Variants in GRIA3 observed in about 807,000 individuals in gnomAD.
GRIA3 encodes glutamate receptor 3.
GRIA3 carries 3 observed loss-of-function variants against 63.0 expected under a neutral mutation model. The ratio of observed to expected loss-of-function variants is 0.05; its 90% CI spans 0.02 to 0.12. GRIA3 has a LOEUF of 0.12. Among genes scored for constraint, GRIA3 ranks in the 10% least tolerant of loss-of-function variants. The pLI is 1.00. For missense variants in GRIA3, 347 were observed against 700.9 expected (o/e 0.50, Z 5.70); for synonymous variants, 274 against 257.9 (o/e 1.06, Z -0.60).
chrX:123,414,826 G>A (rs191492681), intron 10 of GRIA3, among the ~76,000 whole-genome samples: 2 of 111,014 alleles, frequency 1.8e-5, no homozygotes, highest in Admixed American at 1.9e-4. Context: ...TATCATTGAT[G>A]GACATTTGGG....
intron 12 of GRIA3, among the ~76,000 whole-genome samples, chrX:123,454,458 G>T (rs758753693): frequency 7.2e-5 from 8 of 111,445 alleles, no homozygotes; most frequent in Admixed American, 1.9e-4. Flanking sequence ...AGTTATGATG[G>T]GTTTTCTTAC....
chrX:123,363,633 C>A lies in GRIA3; in HGVS notation c.750+8670C>A, dbSNP rs1395229796. ...AGTTAATCAACAGAAGCTTACAAGA[C>A]CCTGCATGAACTGCTTAGGCATAAA... On this transcript the variant is annotated intron_variant, in intron 5 of 15. Coordinates refer to ENST00000620443, the MANE Select transcript of GRIA3 (RefSeq NM_007325.5). Among the ~76,000 whole-genome samples the A allele has an allele frequency of 8.9e-5, 10 of 112,212 alleles. No individual in the cohort carries two copies. The Admixed American group carries it at 9.5e-4, about 11-fold the overall frequency.
chrX:123,462,268 C>G (rs6655769), intron 12 of GRIA3, among the ~76,000 whole-genome samples: 1,544 of 111,112 alleles, frequency 0.014, 26 homozygotes, highest in African/African-American at 0.047. Flanking sequence ...CTTATCACAC[C>G]CCTCCTCAAA....
intron 2 of GRIA3, among the ~76,000 whole-genome samples, chrX:123,215,982 A>G (rs1288311413): frequency 8.9e-6 from 1 of 112,110 alleles, no homozygotes. Context: ...AGCTAAAGCC[A>G]GTAAGCTGAG....
intron 12 of GRIA3, among the ~76,000 whole-genome samples, chrX:123,439,604 A>G (rs1020295618): frequency 1.8e-5 from 2 of 108,951 alleles, no homozygotes; most frequent in Non-Finnish European, 3.8e-5. Context: ...TAATTAAGGT[A>G]TGTTACAAAT....
chrX:123,415,716 G>A (rs749335325), intron 10 of GRIA3, among the ~76,000 whole-genome samples: 3 of 111,731 alleles, frequency 2.7e-5, no homozygotes, highest in Non-Finnish European at 5.7e-5. Flanking sequence ...GTAGGCAGTT[G>A]GCTTCAATAA....
At chrX:123,432,647 T>A (rs1409195210) in intron 12 of GRIA3, among the ~76,000 whole-genome samples, 1 of 111,591 alleles carries the variant, frequency 9.0e-6, no homozygotes, top group Non-Finnish European at 1.9e-5. Context: ...TAAAAGAATA[T>A]AAGGCAGAAA....
intron 5 of GRIA3, among the ~76,000 whole-genome samples, chrX:123,379,097 T>A (rs1345053318): frequency 9.0e-6 from 1 of 111,246 alleles, no homozygotes; most frequent in East Asian, 2.8e-4. Context: ...TATGAACAAA[T>A]TAAATGTCTT....
At chrX:123,485,844 G>A (rs2045937287) in intron 15 of GRIA3, among the ~76,000 whole-genome samples, 1 of 111,059 alleles carries the variant, frequency 9.0e-6, no homozygotes, top group African/African-American at 3.3e-5. Flanking sequence ...TAGTGTGCAT[G>A]CAACTCATGT....
intron 12 of GRIA3, among the ~76,000 whole-genome samples, chrX:123,438,785 G>T (rs570040380): frequency 8.9e-6 from 1 of 112,780 alleles, no homozygotes; most frequent in South Asian, 3.6e-4. Flanking sequence ...GATTACAGGC[G>T]TGAGCCACCG....
chrX:123,193,968 A>G (rs1927507761), intron 2 of GRIA3, among the ~76,000 whole-genome samples: 1 of 111,413 alleles, frequency 9.0e-6, no homozygotes, highest in Non-Finnish European at 1.9e-5. Flanking sequence ...CTTGAGGATA[A>G]GGAAGATTCC....
chrX:123,418,197 T>C (rs779347395), intron 11 of GRIA3, among the ~76,000 whole-genome samples: 1 of 111,798 alleles, frequency 8.9e-6, no homozygotes, highest in African/African-American at 3.2e-5. Flanking sequence ...CTTCTTTAAA[T>C]CCCTCCTACC....
intron 11 of GRIA3, among the ~76,000 whole-genome samples, chrX:123,421,307 A>C (rs940151021): frequency 1.8e-5 from 2 of 112,082 alleles, no homozygotes; most frequent in African/African-American, 6.5e-5. Flanking sequence ...GATATATACT[A>C]GTGAAGAGGA....
At chrX:123,370,766 GTA>G (rs112567011) in intron 5 of GRIA3, among the ~76,000 whole-genome samples, 14,819 of 108,064 alleles carry the variant, frequency 0.14, 1,008 homozygotes, top group Non-Finnish European at 0.2. Context: ...GTGCATATGT[GTA>G]TATATATATG....
intron 15 of GRIA3, among the ~76,000 whole-genome samples, chrX:123,488,188 A>G (rs1185235413): frequency 1.8e-5 from 2 of 112,447 alleles, no homozygotes; most frequent in East Asian, 5.6e-4. Flanking sequence ...GCCTCTTCCT[A>G]GAATCTGCTG....
At chrX:123,439,216 A>T (rs1223059806) in intron 12 of GRIA3, among the ~76,000 whole-genome samples, 1 of 112,210 alleles carries the variant, frequency 8.9e-6, no homozygotes, top group East Asian at 2.8e-4. Context: ...GCAAAGGATG[A>T]TAAAAATGGA....
At chrX:123,230,634 A>C (rs1217997178) in intron 2 of GRIA3, among the ~76,000 whole-genome samples, 12 of 111,464 alleles carry the variant, frequency 1.1e-4, no homozygotes, top group Non-Finnish European at 2.1e-4. Context: ...AATAACAAAA[A>C]GAGAAAATTG....
intron 12 of GRIA3, among the ~76,000 whole-genome samples, chrX:123,446,095 T>G (rs1460098562): frequency 9.0e-6 from 1 of 111,618 alleles, no homozygotes; most frequent in Non-Finnish European, 1.9e-5. Flanking sequence ...GGAGTCTCCT[T>G]TACACACACT....
intron 2 of GRIA3, among the ~76,000 whole-genome samples, chrX:123,247,496 G>A (rs749239340): frequency 5.5e-4 from 61 of 111,429 alleles, no homozygotes; most frequent in Middle Eastern, 4.6e-3. Context: ...AATGTAGTCA[G>A]AAACGACATC....
Sources: gnomAD v4.1 joint callset for allele counts (sites outside exome capture counted in the v4.1 genomes callset) on GRCh38, gnomAD v4.1.1 for gene constraint, MANE v1.5 for transcripts, NCBI Gene and HGNC (gene_info 2026-07-23, HGNC 2026-07-21) for gene names.